Variants in TSG101 observed in about 807,000 individuals in gnomAD.
TSG101 encodes the protein tumor susceptibility 101, also known as tumor susceptibility gene 101 protein.
Under a neutral mutation model 48.5 loss-of-function variants are expected in TSG101, and 19 were observed. The observed-to-expected ratio is 0.39, with a 90% CI of 0.27 to 0.58. The LOEUF is 0.58. Ranked by LOEUF, TSG101 falls within the 20% of genes least tolerant of loss-of-function variation. The pLI is 0.55. For synonymous variants in TSG101, 174 were observed against 169.4 expected (o/e 1.03, Z -0.21); for missense variants, 365 against 484.4 (o/e 0.75, Z 2.31).
intron 6 of TSG101, among the ~76,000 whole-genome samples, chr11:18,505,870 T>C (rs61884673): frequency 0.11 from 17,387 of 151,844 alleles, 1,242 homozygotes; most frequent in South Asian, 0.24. Context: ...CAGGGTGGAG[T>C]GTAATGGCGC....
At chr11:18,507,529 A>C (rs1849995393) in intron 5 of TSG101, 1 of 152,238 alleles carries the variant, frequency 6.6e-6, no homozygotes, top group Admixed American at 6.5e-5. Context: ...CAGCAAGCTT[A>C]AAGAATACTT....
chr11:18,510,810 T>G (rs184638056), intron 4 of TSG101, among the ~76,000 whole-genome samples: 222 of 152,168 alleles, frequency 1.5e-3, no homozygotes, highest in African/African-American at 5.2e-3. Flanking sequence ...TGGTCACAAC[T>G]ACTCAGGAGG....
chr11:18,519,999 C>T (rs1206176735), intron 1 of TSG101, among the ~76,000 whole-genome samples: 3 of 152,048 alleles, frequency 2.0e-5, no homozygotes, highest in African/African-American at 4.8e-5. Context: ...GTGTAACCAC[C>T]ACCATAATCA....
At chr11:18,488,354 G>T (rs1189175042) in intron 7 of TSG101, among the ~76,000 whole-genome samples, 3 of 152,164 alleles carry the variant, frequency 2.0e-5, no homozygotes, top group African/African-American at 7.2e-5. Context: ...TAAAGGTAGA[G>T]GGGTGATATT....
At chr11:18,491,704 AT>A (rs1347057320) in intron 7 of TSG101, among the ~76,000 whole-genome samples, 3 of 152,202 alleles carry the variant, frequency 2.0e-5, no homozygotes, top group Non-Finnish European at 2.9e-5. Context: ...TGAACTTGCA[AT>A]GAGTGTCAGA....
intron 2 of TSG101, among the ~76,000 whole-genome samples, chr11:18,519,265 A>G (rs746810752): frequency 4.6e-5 from 7 of 152,108 alleles, no homozygotes; most frequent in Non-Finnish European, 1.0e-4. Context: ...CAGCCTCCCA[A>G]AGTGCTGGGA....
intron 2 of TSG101, among the ~76,000 whole-genome samples, chr11:18,517,623 T>G (rs1270003516): frequency 3.3e-5 from 5 of 152,218 alleles, no homozygotes. Flanking sequence ...TACCATTGTG[T>G]TACAACTGCC....
chr11:18,518,925 A>C (rs2133931983), intron 2 of TSG101, among the ~76,000 whole-genome samples: 1 of 152,328 alleles, frequency 6.6e-6, no homozygotes, highest in South Asian at 2.1e-4. Context: ...TCTACAGACA[A>C]CACTTTGGGA....
At chr11:18,517,559 T>C (rs1850200156) in intron 2 of TSG101, among the ~76,000 whole-genome samples, 1 of 152,198 alleles carries the variant, frequency 6.6e-6, no homozygotes, top group Non-Finnish European at 1.5e-5. Flanking sequence ...ACTGGTCCCA[T>C]AAGATTATAA....
intron 1 of TSG101, among the ~76,000 whole-genome samples, chr11:18,521,776 A>C (rs1590290449): frequency 1.4e-5 from 2 of 146,550 alleles, no homozygotes; most frequent in South Asian, 2.1e-4. Context: ...TCCCAGGCTC[A>C]AGCAATCCTC....
At position 18,519,585 on chromosome 11, in the gene TSG101, T is replaced by C. The variant is rs1373623245; in HGVS notation, c.61A>G (p.Thr21Ala). Residue 21 changes from threonine to alanine, a missense_variant, in exon 2 of 10, where the codon ACT (threonine) becomes GCT (alanine). Thr to Ala is a moderately conservative substitution (Grantham distance 58). Coordinates refer to ENST00000251968, the MANE Select transcript of TSG101 (RefSeq NM_006292.4). Reference sequence around the variant, plus strand: ...ATAACATTGACAGTTTCACGTACAGTTAGGTCTCTGTATTTGTACTGAAAA... The same window carrying C: ...ATAACATTGACAGTTTCACGTACAGCTAGGTCTCTGTATTTGTACTGAAAA... ...MVSKYKYRDLTVRETVNVITL... is the reference protein window; with the variant it reads ...MVSKYKYRDLAVRETVNVITL... The C allele has an allele frequency of 1.2e-6, 2 of 1,612,500 alleles. No homozygotes were observed. The highest frequency in any genetic ancestry group is 4.5e-5 in the East Asian group (2 of 44,756).
intron 6 of TSG101, among the ~76,000 whole-genome samples, chr11:18,503,238 T>C (rs1380220497): frequency 6.6e-6 from 1 of 152,156 alleles, no homozygotes. Context: ...TTAAACATCA[T>C]TTCAATATAA....
chr11:18,498,899 A>C lies in TSG101; in HGVS notation c.640+3587T>G, dbSNP rs372956858. ...ATAAAATGAGCATGGTGTTTTGGAA[A>C]ACAAGAGGAAAGTGTATCAAGGAGG... is the stretch of plus-strand genomic sequence containing the variant. On this transcript the variant is annotated intron_variant, in intron 7 of 9. Transcript: ENST00000251968. Among the ~76,000 whole-genome samples, 10 of 152,212 alleles carry C rather than the reference A, an allele frequency of 6.6e-5. No individual in the cohort carries two copies. In the East Asian group the frequency reaches 1.7e-3, roughly 26 times the overall value.
intron 7 of TSG101, chr11:18,490,639 G>T: frequency 2.2e-6 from 1 of 455,136 alleles, no homozygotes; most frequent in South Asian, 2.1e-5. Context: ...GTATAGAATT[G>T]AGAACAAGAT....
chr11:18,524,911 C>CTTT (rs35642875), intron 1 of TSG101, among the ~76,000 whole-genome samples: 2 of 137,132 alleles, frequency 1.5e-5, no homozygotes, highest in Non-Finnish European at 3.2e-5. Flanking sequence ...AGGAATAAAT[C>CTTT]TTTTTTTTTT....
intron 7 of TSG101, among the ~76,000 whole-genome samples, chr11:18,499,128 C>T (rs559351120): frequency 1.4e-5 from 2 of 147,538 alleles, no homozygotes; most frequent in South Asian, 4.2e-4. Flanking sequence ...AGGAGTTATT[C>T]AGAGAAGAAT....
chr11:18,525,691 T>C (rs1850361034), intron 1 of TSG101: 3 of 984,958 alleles, frequency 3.0e-6, no homozygotes, highest in Non-Finnish European at 3.6e-6. Context: ...GCTTCCCATA[T>C]GTCTTCTATA....
chr11:18,487,262 TAA>T (rs112480739), intron 7 of TSG101, among the ~76,000 whole-genome samples: 12 of 137,834 alleles, frequency 8.7e-5, no homozygotes, highest in South Asian at 6.7e-4. Flanking sequence ...TAAAGTATAA[TAA>T]AAAAAAAAAA....
chr11:18,514,796 T>C lies in TSG101; in HGVS notation c.239A>G (p.Tyr80Cys), dbSNP rs772477933. 6.3e-7 allele frequency: 1 copy of C among 1,594,588 alleles called. No homozygotes were observed. The highest frequency in any genetic ancestry group is 8.5e-7 in the Non-Finnish European group (1 of 1,173,792). ...IPICLWLLDT[Y>C]PYNPPICFVK... is the part of the protein sequence containing the mutation. ...AAAACAGATAGGGGGATTATATGGG[T>C]ATGTGTCCAGTAGCCATAGGCATAT... is the stretch of plus-strand genomic sequence containing the variant. The change falls in exon 4 of 10, where the codon TAC becomes TGC. Residue 80 changes from tyrosine (Y) to cysteine (C), a missense_variant. Tyr to Cys is a radical substitution (Grantham distance 194). Transcript: ENST00000251968.
Sources: gnomAD v4.1 joint callset for allele counts (sites outside exome capture counted in the v4.1 genomes callset) on GRCh38, gnomAD v4.1.1 for gene constraint, MANE v1.5 for transcripts, NCBI Gene and HGNC (gene_info 2026-07-23, HGNC 2026-07-21) for gene names.